HERPUD2: variants seen among roughly 807,000 people sequenced by gnomAD.
HERPUD2 encodes the protein HERPUD family member 2.
Under a neutral mutation model 49.9 loss-of-function variants are expected in HERPUD2, and 13 were observed. The ratio of observed to expected loss-of-function variants is 0.26; its 90% confidence interval spans 0.17 to 0.41. The LOEUF is 0.41. HERPUD2 is among the 10% of genes least tolerant of loss of function. The pLI is 1.00. For synonymous variants in HERPUD2, 172 were observed against 171.4 expected, an observed-to-expected ratio of 1.00 and a Z score of -0.03; for missense variants, 449 against 492.2, an observed-to-expected ratio of 0.91 and a Z score of 0.83.
At chr7:35,655,955 G>A (rs1169932184) in intron 5 of HERPUD2, among the ~76,000 whole-genome samples, 1 of 152,174 alleles carries the variant, frequency 6.6e-6, no homozygotes, top group Non-Finnish European at 1.5e-5. Context: ...GAGGTCAGGA[G>A]TTTGAGACCA....
At chr7:35,676,967 A>G (rs1424016822) in intron 2 of HERPUD2, among the ~76,000 whole-genome samples, 5 of 152,226 alleles carry the variant, frequency 3.3e-5, no homozygotes, top group Non-Finnish European at 5.9e-5. Flanking sequence ...TACTTGAAAT[A>G]ATAATTCTTG....
chr7:35,643,893 C>G (rs184558902), intron 5 of HERPUD2, among the ~76,000 whole-genome samples: 59 of 149,754 alleles, frequency 3.9e-4, no homozygotes, highest in Admixed American at 2.3e-3. Context: ...GAGAATTATT[C>G]TACTGACTTC....
rs981148190 is a variant in HERPUD2, at chr7:35,639,033, CT to C, written c.495-562del. On this transcript the variant is annotated intron_variant, in intron 5 of 8. Transcript: ENST00000311350. ...CTTAAAGTAGGTTAAAATTTTATTT[CT>C]TTTTTTTTTTTTGAGACGGAATCTC... Among the ~76,000 whole-genome samples the C allele has an allele frequency of 8.1e-3, 1,167 of 144,302 alleles. 12 individuals carry two copies. Among genetic ancestry groups the C allele is most frequent in the African/African-American group, 0.025 (986 of 39,604 alleles). 94.7% of individuals were successfully genotyped at this position (144,302 alleles called of 152,430 possible).
rs1398716626 is a variant in HERPUD2, at chr7:35,642,752, T to C, written c.495-4280A>G. Among the ~76,000 whole-genome samples, 10 of 152,118 alleles carry C rather than the reference T, an allele frequency of 6.6e-5. 1 individual carries two copies. The highest frequency in any genetic ancestry group is 6.6e-4 in the Admixed American group (10 of 15,266). ...TTCTCACTTATTAGTGGGAGCTAAA[T>C]GATGAGAACACATGGACACAAAGAG... On this transcript the variant is annotated intron_variant, in intron 5 of 8. Transcript: ENST00000311350.
intron 5 of HERPUD2, among the ~76,000 whole-genome samples, chr7:35,645,843 C>G (rs1562670226): frequency 6.6e-6 from 1 of 152,144 alleles, no homozygotes; most frequent in Non-Finnish European, 1.5e-5. Flanking sequence ...ACAGGGGAAA[C>G]AGCTAATAAT....
chr7:35,678,544 G>A (rs1334602496), intron 2 of HERPUD2, among the ~76,000 whole-genome samples: 1 of 151,960 alleles, frequency 6.6e-6, no homozygotes, highest in African/African-American at 2.4e-5. Context: ...CAAGTGATCC[G>A]CCCGCCTCAG....
chr7:35,661,153 T>C (rs1352639470), intron 5 of HERPUD2, among the ~76,000 whole-genome samples: 1 of 152,222 alleles, frequency 6.6e-6, no homozygotes, highest in Non-Finnish European at 1.5e-5. Flanking sequence ...CCCCATTTCT[T>C]GTTTTCGTCA....
intron 5 of HERPUD2, among the ~76,000 whole-genome samples, chr7:35,641,754 G>A (rs1003792265): frequency 1.3e-5 from 2 of 152,186 alleles, no homozygotes; most frequent in African/African-American, 4.8e-5. Flanking sequence ...TAATTGGCTA[G>A]TCATATGCAG....
At position 35,686,730 on chromosome 7, in the gene HERPUD2, AAAAAAAAAAAAAAAAC is replaced by A. The variant is rs1234562145; in HGVS notation, c.147+7438_147+7453del. ...CGACACTCCGTCTCAAAAAAAAAAA[AAAAAAAAAAAAAAAAC>A]CAAACCCATTTCCAGGCCAGGGGTG... On this transcript the variant is annotated intron_variant, in intron 2 of 8. Coordinates refer to ENST00000311350, the MANE Select transcript of HERPUD2 (RefSeq NM_022373.5). Among the ~76,000 whole-genome samples, 11 of 102,292 alleles carry A rather than the reference AAAAAAAAAAAAAAAAC, an allele frequency of 1.1e-4. 1 individual carries two copies. The South Asian group carries it at 3.7e-3, about 35-fold the overall frequency. 67.1% of individuals were successfully genotyped at this position (102,292 alleles called of 152,430 possible). A position where few individuals can be genotyped will look rare whatever the true frequency, so the allele number is the denominator to read the frequency against.
intron 2 of HERPUD2, among the ~76,000 whole-genome samples, chr7:35,676,304 T>C (rs1785761258): frequency 6.6e-6 from 1 of 152,258 alleles, no homozygotes; most frequent in African/African-American, 2.4e-5. Context: ...CTGTAGTTCC[T>C]ATACAATGTA....
intron 6 of HERPUD2, among the ~76,000 whole-genome samples, chr7:35,637,714 A>G (rs1784894090): frequency 6.6e-6 from 1 of 152,254 alleles, no homozygotes; most frequent in African/African-American, 2.4e-5. Flanking sequence ...AGAAGCACGT[A>G]GTAACAAATA....
At chr7:35,678,729 A>C (rs1785818709) in intron 2 of HERPUD2, among the ~76,000 whole-genome samples, 1 of 152,178 alleles carries the variant, frequency 6.6e-6, no homozygotes, top group East Asian at 1.9e-4. Flanking sequence ...TAAGTTATCT[A>C]ACTTATGTTT....
Position 35,674,432 on chromosome 7 carries a change from G to T in HERPUD2, c.148-1154C>A, listed in dbSNP as rs1199280886. 4.2e-3 allele frequency among the ~76,000 whole-genome samples: 503 copies of T among 119,274 alleles called. 16 individuals are homozygous for T. The highest frequency in any genetic ancestry group is 0.014 in the South Asian group (53 of 3,772). The allele number at this position is 119,274 out of a possible 152,430, so 78.2% of individuals were successfully genotyped here. On this transcript the variant is annotated intron_variant, in intron 2 of 8. Transcript: ENST00000311350. Reference sequence around the variant, plus strand: ...AGAGAGAGAGAGAGAGAGAGAGAGAGAGAGAGAGAGAGAGAGAGAGAGAGA... The same window carrying T: ...AGAGAGAGAGAGAGAGAGAGAGAGATAGAGAGAGAGAGAGAGAGAGAGAGA...
Position 35,663,922 on chromosome 7 carries a change from T to C in HERPUD2, c.494+3512A>G, listed in dbSNP as rs553000419. On this transcript the variant is annotated intron_variant, in intron 5 of 8. Transcript: ENST00000311350. ...AAGGTTAATATTATTATGTGTGAAT[T>C]TGAGCCTGTCATTATGATGTTAGCT... 7.2e-5 allele frequency among the ~76,000 whole-genome samples: 11 copies of C among 152,330 alleles called. No homozygotes were observed. In the South Asian group the frequency reaches 2.1e-3, roughly 29 times the overall value.
intron 3 of HERPUD2, 96 bp downstream of exon 3, chr7:35,673,105 G>T: frequency 1.2e-6 from 1 of 815,668 alleles, no homozygotes. Flanking sequence ...TTGATTTTAA[G>T]TATCTAAAAA....
chr7:35,655,964 C>A (rs1394610351), intron 5 of HERPUD2, among the ~76,000 whole-genome samples: 1 of 152,076 alleles, frequency 6.6e-6, no homozygotes, highest in African/African-American at 2.4e-5. Context: ...AGTTTGAGAC[C>A]AGCCTGGCCA....
intron 3 of HERPUD2, among the ~76,000 whole-genome samples, chr7:35,670,863 C>T (rs1785628626): frequency 6.6e-6 from 1 of 152,046 alleles, no homozygotes; most frequent in East Asian, 1.9e-4. Flanking sequence ...CTGTAAATAT[C>T]CCATGTTTTT....
At chr7:35,634,471 G>A in intron 7 of HERPUD2, 42 bp from the exon 8 acceptor site, 1 of 1,213,280 alleles carries the variant, frequency 8.2e-7, no homozygotes, top group Non-Finnish European at 1.2e-6. Flanking sequence ...AGTCACAGTT[G>A]TTTTTATTTG....
At chr7:35,666,063 T>C (rs1395858186) in intron 5 of HERPUD2, among the ~76,000 whole-genome samples, 3 of 152,202 alleles carry the variant, frequency 2.0e-5, no homozygotes, top group South Asian at 4.1e-4. Context: ...AATCACTCTG[T>C]ATAAACTGAG....
Sources: allele counts gnomAD v4.1 joint callset (sites outside exome capture counted in the v4.1 genomes callset), GRCh38; gene constraint gnomAD v4.1.1; transcripts MANE v1.5; gene names NCBI Gene and HGNC (gene_info 2026-07-23, HGNC 2026-07-21).